KCNIP1: variants seen among roughly 807,000 people sequenced by gnomAD.
The protein encoded by KCNIP1 is A-type potassium channel modulatory protein KCNIP1.
KCNIP1 carries 18 observed loss-of-function variants against 33.0 expected under a neutral mutation model. The observed-to-expected ratio is 0.55, with a 90% CI of 0.38 to 0.81. The LOEUF (loss-of-function observed/expected upper bound fraction) is 0.81, where lower values mean the gene tolerates loss of function less well. KCNIP1 is among the 30% of genes least tolerant of loss of function. The pLI is 0.00. For missense variants in KCNIP1, 238 were observed against 271.6 expected, an observed-to-expected ratio of 0.88 and a Z score of 0.87; for synonymous variants, 93 against 98.3, an observed-to-expected ratio of 0.95 and a Z score of 0.32.
chr5:170,440,470 G>A (rs7718689), intron 1 of KCNIP1, among the ~76,000 whole-genome samples: 49,542 of 152,140 alleles, frequency 0.33, 8,399 homozygotes, highest in Admixed American at 0.36. Context: ...ACAACAACTT[G>A]GAGGAAACAC....
At chr5:170,665,811 TG>T (rs1761680775) in intron 1 of KCNIP1, among the ~76,000 whole-genome samples, 1 of 152,212 alleles carries the variant, frequency 6.6e-6, no homozygotes, top group Non-Finnish European at 1.5e-5. Flanking sequence ...GGCAGATGAC[TG>T]TAGAATGTCC....
intron 1 of KCNIP1, among the ~76,000 whole-genome samples, chr5:170,451,144 GGAGCAA>G (rs1285902117): frequency 6.6e-6 from 1 of 152,122 alleles, no homozygotes; most frequent in Non-Finnish European, 1.5e-5. Flanking sequence ...TGACTGTGTT[GGAGCAA>G]GACAAAATCG....
intron 1 of KCNIP1, among the ~76,000 whole-genome samples, chr5:170,664,284 C>A (rs1232270429): frequency 3.3e-5 from 5 of 152,194 alleles, no homozygotes; most frequent in Non-Finnish European, 7.3e-5. Context: ...ACCTGCAGGT[C>A]ATCTTAGATG....
At chr5:170,509,357 A>AAG (rs1374367614) in intron 1 of KCNIP1, among the ~76,000 whole-genome samples, 3 of 141,130 alleles carry the variant, frequency 2.1e-5, no homozygotes, top group African/African-American at 8.4e-5. Flanking sequence ...GATAAACAGA[A>AAG]AGAGAGAGAT....
rs182145880 is a variant in KCNIP1 at position 170,642,661 on chromosome 5, C to T, written c.62-76097C>T. Among the ~76,000 whole-genome samples the T allele has an allele frequency of 4.6e-5, 7 of 152,322 alleles. No individual in the cohort carries two copies. In the East Asian group the frequency reaches 1.4e-3, roughly 29 times the overall value. On this transcript the variant is annotated intron_variant, in intron 1 of 7. Coordinates refer to ENST00000328939, the MANE Select transcript of KCNIP1 (RefSeq NM_014592.4). ...AGGAGATTCACTTCAAGCACCATCC[C>T]ACTCTATTTGTTAAACTTGTGCTCC... is the stretch of plus-strand genomic sequence containing the variant.
At position 170,361,712 on chromosome 5, in the gene KCNIP1, G is replaced by A. The variant is rs1013829345; in HGVS notation, c.88+7748G>A. Among the ~76,000 whole-genome samples, 26 of 152,192 alleles carry A rather than the reference G, an allele frequency of 1.7e-4. 1 individual carries two copies. The highest frequency in any genetic ancestry group is 5.2e-4 in the Admixed American group (8 of 15,286). On this transcript the variant is annotated intron_variant, in intron 1 of 7. Coordinates refer to the KCNIP1 transcript ENST00000377360. ...AGGATGCTAGCACTGTGGACTTCTC[G>A]TGGGGACTCTTCCTGGCTTACAGAC...
intron 1 of KCNIP1, among the ~76,000 whole-genome samples, chr5:170,413,592 G>A (rs564624836): frequency 1.2e-4 from 19 of 152,294 alleles, no homozygotes; most frequent in African/African-American, 4.3e-4. Flanking sequence ...TGTGAAGGCC[G>A]AGGAATTAAG....
chr5:170,410,061 A>C (rs1419826091), intron 1 of KCNIP1, among the ~76,000 whole-genome samples: 1 of 152,258 alleles, frequency 6.6e-6, no homozygotes, highest in Non-Finnish European at 1.5e-5. Context: ...TCTAAGATCC[A>C]GTGTAACTAT....
chr5:170,424,018 G>A (rs1031032583), intron 1 of KCNIP1, among the ~76,000 whole-genome samples: 3 of 152,226 alleles, frequency 2.0e-5, no homozygotes, highest in African/African-American at 7.2e-5. Flanking sequence ...TTGTTTGCAT[G>A]ATGATTTTAA....
rs143909486 is a variant in KCNIP1 at position 170,656,330 on chromosome 5, T to A, written c.62-62428T>A. ...CTTGTGACAATCCCAGGCCTGCATCTGCAGGGAGTTTTATGAAGGCTGTTT... is the reference window on the plus strand; with the variant it reads ...CTTGTGACAATCCCAGGCCTGCATCAGCAGGGAGTTTTATGAAGGCTGTTT... On this transcript the variant is annotated intron_variant, in intron 1 of 7. Transcript: ENST00000328939. Among the ~76,000 whole-genome samples the A allele has an allele frequency of 8.9e-3, 1,355 of 152,316 alleles. 11 individuals carry two copies. The highest frequency in any genetic ancestry group is 0.04 in the South Asian group (192 of 4,826).
rs1764220460 is a variant in KCNIP1, at chr5:170,731,977, G to GCAA, written c.436-823_436-822insCAA. ...GAAGCCATGTTAATTTCCTGGGTTT[G>GCAA]GTCATTGTGCTCTGGTTATGCAAGT... On this transcript the variant is annotated intron_variant, in intron 5 of 7. Transcript: ENST00000328939. Among the ~76,000 whole-genome samples, 6 of 151,880 alleles carry GCAA rather than the reference G, an allele frequency of 4.0e-5. No homozygotes were observed. The South Asian group carries it at 1.2e-3, about 32-fold the overall frequency.
chr5:170,387,987 G>C (rs780386721), intron 1 of KCNIP1, among the ~76,000 whole-genome samples: 8 of 152,078 alleles, frequency 5.3e-5, no homozygotes, highest in Non-Finnish European at 7.3e-5. Context: ...GCACCTGTGG[G>C]GGCTTCCTGT....
chr5:170,437,278 C>A (rs949248015), intron 1 of KCNIP1, among the ~76,000 whole-genome samples: 1 of 152,142 alleles, frequency 6.6e-6, no homozygotes, highest in Non-Finnish European at 1.5e-5. Flanking sequence ...TCTTTTATGG[C>A]CTGCTTCAGG....
chr5:170,515,454 C>G (rs544264690), intron 1 of KCNIP1, among the ~76,000 whole-genome samples: 28 of 152,284 alleles, frequency 1.8e-4, no homozygotes, highest in Non-Finnish European at 2.8e-4. Flanking sequence ...GAAGAAGCTG[C>G]TGGAAAATTA....
intron 1 of KCNIP1, among the ~76,000 whole-genome samples, chr5:170,358,695 C>G (rs988414678): frequency 1.3e-5 from 2 of 152,244 alleles, no homozygotes; most frequent in African/African-American, 4.8e-5. Flanking sequence ...AGGGCACCCG[C>G]CCCCGCTTAC....
intron 1 of KCNIP1, among the ~76,000 whole-genome samples, chr5:170,515,861 T>C (rs535704517): frequency 6.6e-6 from 1 of 152,068 alleles, no homozygotes; most frequent in African/African-American, 2.4e-5. Flanking sequence ...GCTGGAGAAT[T>C]AGAGAAGATG....
intron 1 of KCNIP1, among the ~76,000 whole-genome samples, chr5:170,421,410 T>C (rs770244640): frequency 1.3e-5 from 2 of 152,222 alleles, no homozygotes; most frequent in Non-Finnish European, 2.9e-5. Flanking sequence ...TCTTCTGTCT[T>C]GGCCCATTAT....
chr5:170,533,953 G>A (rs1411493714), intron 1 of KCNIP1, among the ~76,000 whole-genome samples: 3 of 152,212 alleles, frequency 2.0e-5, no homozygotes, highest in Admixed American at 2.0e-4. Context: ...GTATTCCTGT[G>A]TAGTTTCTCA....
At chr5:170,425,771 T>A (rs1262327876) in intron 1 of KCNIP1, among the ~76,000 whole-genome samples, 1 of 152,032 alleles carries the variant, frequency 6.6e-6, no homozygotes, top group Non-Finnish European at 1.5e-5. Context: ...TGGGTGTCAG[T>A]CCCCTACGCC....
Sources: allele counts gnomAD v4.1 joint callset (sites outside exome capture counted in the v4.1 genomes callset), GRCh38; gene constraint gnomAD v4.1.1; transcripts MANE v1.5; gene names NCBI Gene and HGNC (gene_info 2026-07-23, HGNC 2026-07-21).